Variants in LINS1 observed in about 807,000 individuals in gnomAD.
LINS1 encodes the protein lines homolog 1, also known as protein Lines homolog 1.
In LINS1, 27 loss-of-function variants were observed where a neutral mutation model predicts 41.6. The ratio of observed to expected loss-of-function variants is 0.65; its 90% confidence interval spans 0.48 to 0.89. The LOEUF is 0.89. LINS1 is among the 40% of genes least tolerant of loss of function. The pLI is 0.00. For missense variants in LINS1, 955 were observed against 884.1 expected (o/e 1.08, Z -1.02); for synonymous variants, 336 against 312.9 (o/e 1.07, Z -0.78).
At chr15:100,571,817 G>A (rs754686936) in intron 6 of LINS1, 77 bp downstream of exon 6, 39 of 1,527,072 alleles carry the variant, frequency 2.6e-5, no homozygotes, top group African/African-American at 4.1e-5. Flanking sequence ...TAAGCAACAC[G>A]CCCAGCACAT....
intron 5 of LINS1, 141 bp from the exon 6 acceptor site, chr15:100,572,206 TTA>T: frequency 1.3e-6 from 2 of 1,488,052 alleles, no homozygotes; most frequent in Non-Finnish European, 1.8e-6. Flanking sequence ...CAGGAATCAG[TTA>T]GGAAGCATCT....
At chr15:100,578,691 A>G (rs989505338) in intron 3 of LINS1, among the ~76,000 whole-genome samples, 2 of 152,144 alleles carry the variant, frequency 1.3e-5, no homozygotes, top group African/African-American at 4.8e-5. Flanking sequence ...ACCCAAAGGA[A>G]TATAAATCAT....
chr15:100,588,337 G>A (rs1253550894), intron 1 of LINS1, among the ~76,000 whole-genome samples: 1 of 152,188 alleles, frequency 6.6e-6, no homozygotes, highest in Non-Finnish European at 1.5e-5. Context: ...TCCTGGCTCA[G>A]GGAATGAATC....
intron 1 of LINS1, among the ~76,000 whole-genome samples, chr15:100,589,155 T>G (rs1400563575): frequency 6.6e-6 from 1 of 152,202 alleles, no homozygotes. Context: ...TAACTGAGAC[T>G]ACTGAAGAAA....
At chr15:100,585,231 G>A (rs1246764119) in intron 1 of LINS1, among the ~76,000 whole-genome samples, 1 of 152,204 alleles carries the variant, frequency 6.6e-6, no homozygotes, top group Non-Finnish European at 1.5e-5. Context: ...ACACCCCAGG[G>A]GGATCCTCTG....
rs747262555 is a variant in LINS1, at chr15:100,569,195, A to G, written c.*43T>C. ...CTATTACCTCATTGAGACATAATTT[A>G]TATTAAGGAAAAACAATACCTGGAA... On this transcript the variant is annotated 3_prime_UTR_variant, in exon 7 of 7. Coordinates refer to ENST00000314742, the MANE Select transcript of LINS1 (RefSeq NM_001040616.3). The G allele has an allele frequency of 7.4e-7, 1 of 1,355,120 alleles. No homozygotes were observed. The highest frequency in any genetic ancestry group is 1.2e-5 in the South Asian group (1 of 83,558). 83.9% of individuals were successfully genotyped at this position (1,355,120 alleles called of 1,614,324 possible). A position where few individuals can be genotyped will look rare whatever the true frequency, so the allele number is the denominator to read the frequency against.
Position 100,566,971 on chromosome 15 carries a change from G to A in LINS1, c.*2267C>T, listed in dbSNP as rs904441028. 2.6e-5 allele frequency: 4 copies of A among 152,046 alleles called. No homozygotes were observed. The highest frequency in any genetic ancestry group is 9.7e-5 in the African/African-American group (4 of 41,342). 9.4% of individuals were successfully genotyped at this position (152,046 alleles called of 1,614,324 possible). On this transcript the variant is annotated 3_prime_UTR_variant, in exon 7 of 7. Transcript: ENST00000314742. ...TTATGTACCCTTAGGAACAAGAGTC[G>A]ATTTTTTTTTCCCAGTTATTTCCAT... is the stretch of plus-strand genomic sequence containing the variant.
chr15:100,571,860 A>G (rs774352372), intron 6 of LINS1, 34 bp downstream of exon 6: 1 of 1,612,056 alleles, frequency 6.2e-7, no homozygotes, highest in African/African-American at 1.3e-5. Context: ...CCTGACTTGT[A>G]GGCCGTTCAA....
In LINS1 at chr15:100,569,617, G is replaced by C. The variant is rs1157058256; in HGVS notation, c.1895C>G (p.Ser632Cys). Residue 632 changes from serine to cysteine, a missense_variant, in exon 7 of 7, where the codon TCT becomes TGT. Ser to Cys is a moderately radical substitution (Grantham distance 112, BLOSUM62 -1). Transcript: ENST00000314742. ...TGTGGATTCCACGTCAGAATCGTCA[G>C]AGCTGTCGTAATCTACCAGACTTTG... ...ASQSLVDYDS[S>C]DDSDVESTEQ... 6.2e-7 allele frequency: 1 copy of C among 1,613,358 alleles called. No homozygotes were observed. Among genetic ancestry groups the C allele is most frequent in the Non-Finnish European group, 8.5e-7 (1 of 1,179,400 alleles).
In LINS1 at chr15:100,574,075, C is replaced by T; in HGVS notation, c.798G>A (p.Leu266=). ...LELLIASRIH[L]KLHFTCQRIL... ...TCCTCTGGCAAGTGAAATGTAACTT[C>T]AGGTGGATTCTGGAGGCGATGAGAA... is the stretch of plus-strand genomic sequence containing the variant. The change falls in exon 5 of 7, where the codon CTG becomes CTA. Residue 266 remains leucine (L), a synonymous_variant. Coordinates refer to ENST00000314742, the MANE Select transcript of LINS1 (RefSeq NM_001040616.3). 1.2e-6 allele frequency: 2 copies of T among 1,614,164 alleles called. No individual in the cohort carries two copies. The highest frequency in any genetic ancestry group is 2.2e-5 in the South Asian group (2 of 91,078).
Position 100,580,450 on chromosome 15 carries a change from A to T in LINS1, c.393T>A (p.Ser131=). ...AGAAAAACAAATGGCTTACTAATTT[A>T]GAATCGACTTTGGCTGATTCTAAGA... ...KILLESAKVD[S]KLICMFQNSD... is the part of the protein sequence containing the mutation. The change falls in exon 2 of 7, where the codon TCT becomes TCA. Residue 131 remains serine (S), a synonymous_variant. Coordinates refer to ENST00000314742, the MANE Select transcript of LINS1 (RefSeq NM_001040616.3). 1 of 1,613,810 alleles carries T rather than the reference A, an allele frequency of 6.2e-7. No individual in the cohort carries two copies. The highest frequency in any genetic ancestry group is 8.5e-7 in the Non-Finnish European group (1 of 1,179,744).
chr15:100,593,245 C>T (rs1232549337), intron 1 of LINS1, among the ~76,000 whole-genome samples: 1 of 152,124 alleles, frequency 6.6e-6, no homozygotes, highest in East Asian at 1.9e-4. Flanking sequence ...GGCAGTCTTA[C>T]TAGGTAAGTG....
chr15:100,576,961 G>C (rs927746036), intron 3 of LINS1, among the ~76,000 whole-genome samples: 3 of 152,150 alleles, frequency 2.0e-5, no homozygotes, highest in Admixed American at 6.5e-5. Flanking sequence ...AAAGGCCTTT[G>C]ACAAAATTCA....
intron 1 of LINS1, among the ~76,000 whole-genome samples, chr15:100,598,619 A>C (rs2039346554): frequency 1.3e-5 from 2 of 152,204 alleles, no homozygotes; most frequent in Admixed American, 6.5e-5. Flanking sequence ...GGAACTCAAA[A>C]GCCTCCAGTT....
At chr15:100,594,984 A>G (rs1412863216) in intron 1 of LINS1, among the ~76,000 whole-genome samples, 1 of 152,136 alleles carries the variant, frequency 6.6e-6, no homozygotes, top group African/African-American at 2.4e-5. Flanking sequence ...ATCCACATTA[A>G]AGGCACTGTG....
At position 100,568,104 on chromosome 15, in the gene LINS1, A is replaced by G. The variant is rs1438287837; in HGVS notation, c.*1134T>C. ...TACGGCTTCCCCTCAAGAATATGGA[A>G]CATAATTATTCATGTCACAATTTTA... On this transcript the variant is annotated 3_prime_UTR_variant, in exon 7 of 7. Coordinates refer to ENST00000314742, the MANE Select transcript of LINS1 (RefSeq NM_001040616.3). The G allele has an allele frequency of 6.6e-6, 1 of 152,228 alleles. No individual in the cohort carries two copies. Among genetic ancestry groups the G allele is most frequent in the Non-Finnish European group, 1.5e-5 (1 of 68,040 alleles). 9.4% of individuals were successfully genotyped at this position (152,228 alleles called of 1,614,324 possible).
chr15:100,567,622 C>T lies in LINS1; in HGVS notation c.*1616G>A, dbSNP rs1013725898. 1 of 152,174 alleles carries T rather than the reference C, an allele frequency of 6.6e-6. No individual in the cohort carries two copies. 9.4% of individuals were successfully genotyped at this position (152,174 alleles called of 1,614,324 possible). On this transcript the variant is annotated 3_prime_UTR_variant, in exon 7 of 7. Coordinates refer to ENST00000314742, the MANE Select transcript of LINS1 (RefSeq NM_001040616.3). ...ATTCCACTGACTATACAAATTCTGA[C>T]TTACTTTACCAGGTATTTCTAGTAA...
intron 6 of LINS1, chr15:100,570,494 C>T: frequency 5.7e-6 from 1 of 174,992 alleles, no homozygotes; most frequent in Non-Finnish European, 1.2e-5. Context: ...CCAATCAGAG[C>T]ACTCCATGCT....
chr15:100,580,309 G>A lies in LINS1; in HGVS notation c.443C>T (p.Ala148Val). The change falls in exon 3 of 7, where the codon GCT becomes GTT. Residue 148 changes from alanine to valine, a missense_variant. Ala to Val is a moderately conservative substitution (Grantham distance 64). Coordinates refer to ENST00000314742, the MANE Select transcript of LINS1 (RefSeq NM_001040616.3). ...TAGAAGCAATGCAAGGCACTGTGCA[G>A]CCATGTGAGATAACAATTTATCTGA... is the stretch of plus-strand genomic sequence containing the variant. Reference protein sequence around the residue: ...QNSDKLLSHMAAQCLALLLYF... With the variant: ...QNSDKLLSHMVAQCLALLLYF... The A allele has an allele frequency of 6.2e-7, 1 of 1,612,928 alleles. No homozygotes were observed. Among genetic ancestry groups the A allele is most frequent in the Non-Finnish European group, 8.5e-7 (1 of 1,179,184 alleles).
Sources: gnomAD v4.1 joint callset for allele counts (sites outside exome capture counted in the v4.1 genomes callset) on GRCh38, gnomAD v4.1.1 for gene constraint, MANE v1.5 for transcripts, NCBI Gene and HGNC (gene_info 2026-07-23, HGNC 2026-07-21) for gene names.